The following SLC35A3 variants were observed in gnomAD, a reference collection of about 807,000 sequenced individuals.
The protein encoded by SLC35A3 is solute carrier family 35 member A3.
A neutral mutation model predicts 39.0 loss-of-function variants in SLC35A3; 26 were observed. That is an observed-to-expected ratio of 0.67 (90% CI 0.49 to 0.92). SLC35A3 has a LOEUF of 0.92. Ranked by LOEUF, SLC35A3 falls within the 40% of genes least tolerant of loss-of-function variation. SLC35A3 has a pLI of 0.00. For missense variants in SLC35A3, 299 were observed against 371.6 expected, an observed-to-expected ratio of 0.80 and a Z score of 1.61; for synonymous variants, 135 against 133.1, an observed-to-expected ratio of 1.01 and a Z score of -0.10.
At chr1:100,011,607 TTAAA>T in intron 5 of SLC35A3, 74 bp downstream of exon 5, 2 of 487,826 alleles carry the variant, frequency 4.1e-6, no homozygotes, top group Non-Finnish European at 6.5e-6. Flanking sequence ...CTATATATCT[TTAAA>T]TAAATGAGCC....
At position 100,007,042 on chromosome 1, in the gene SLC35A3, T is replaced by G. The variant is rs1366883088; in HGVS notation, c.351T>G (p.Tyr117Ter). The G allele has an allele frequency of 2.5e-6, 4 of 1,605,536 alleles. No homozygotes were observed. Residue 117 changes from tyrosine to a stop codon, truncating the protein, a stop_gained, in exon 4 of 8, where the codon TAT becomes TAG. Coordinates refer to ENST00000533028, the MANE Select transcript of SLC35A3 (RefSeq NM_012243.3). LOFTEE classifies it high-confidence loss of function. Reference sequence around the variant, plus strand: ...ACTGTTTTCTTTTTCAGGTCACGTATCAGTTAAAAATTCTTACAACAGCAT... The same window carrying G: ...ACTGTTTTCTTTTTCAGGTCACGTAGCAGTTAAAAATTCTTACAACAGCAT... ...NLDAATYQVT[Y>*]QLKILTTALF...
At chr1:99,995,682 A>G (rs1412599491) in intron 2 of SLC35A3, among the ~76,000 whole-genome samples, 1 of 152,176 alleles carries the variant, frequency 6.6e-6, no homozygotes, top group Non-Finnish European at 1.5e-5. Context: ...AGGCATTCCC[A>G]TTGAGATGTC....
At chr1:99,985,374 G>GT (rs1657689549) in intron 1 of SLC35A3, among the ~76,000 whole-genome samples, 1 of 152,142 alleles carries the variant, frequency 6.6e-6, no homozygotes, top group Non-Finnish European at 1.5e-5. Context: ...TCAGTTGGCT[G>GT]TAAGTATTTG....
At chr1:99,995,144 C>G (rs867568881) in intron 2 of SLC35A3, among the ~76,000 whole-genome samples, 1 of 129,320 alleles carries the variant, frequency 7.7e-6, no homozygotes, top group South Asian at 3.2e-4. Flanking sequence ...TTCTTTCTTT[C>G]TTTCTTTCTT....
At chr1:99,975,737 A>G (rs897624840) in intron 1 of SLC35A3, among the ~76,000 whole-genome samples, 1 of 152,148 alleles carries the variant, frequency 6.6e-6, no homozygotes, top group Non-Finnish European at 1.5e-5. Context: ...TTTGGACTCT[A>G]TCCTCTATTT....
intron 2 of SLC35A3, among the ~76,000 whole-genome samples, chr1:99,996,507 T>C (rs1352428890): frequency 6.6e-6 from 1 of 152,136 alleles, no homozygotes; most frequent in East Asian, 1.9e-4. Context: ...AGGACACAAT[T>C]TCACTGCCCT....
intron 1 of SLC35A3, among the ~76,000 whole-genome samples, chr1:99,984,733 A>G (rs1657652770): frequency 6.6e-6 from 1 of 152,196 alleles, no homozygotes; most frequent in Non-Finnish European, 1.5e-5. Flanking sequence ...CAACACATCC[A>G]TGCCAACATC....
chr1:99,972,005 C>T (rs540793767), intron 1 of SLC35A3, among the ~76,000 whole-genome samples: 1 of 152,214 alleles, frequency 6.6e-6, no homozygotes, highest in South Asian at 2.1e-4. Flanking sequence ...TCAAGCGATT[C>T]TCCTGCCTCA....
rs544108828 is a variant in SLC35A3, at chr1:100,003,519, A to G, written c.343-3515A>G. 2.6e-5 allele frequency among the ~76,000 whole-genome samples: 4 copies of G among 151,610 alleles called. No homozygotes were observed. The South Asian group carries it at 8.4e-4, about 32-fold the overall frequency. ...GACTTCAACTTTTAAAGATTTGTTGAGACTTATAGCCTAATATATATTCTA... is the reference window on the plus strand; with the variant it reads ...GACTTCAACTTTTAAAGATTTGTTGGGACTTATAGCCTAATATATATTCTA... On this transcript the variant is annotated intron_variant, in intron 3 of 7. Transcript: ENST00000533028.
rs1023995008 is a variant in SLC35A3, at chr1:100,015,293, T to C, written c.635-9T>C. The stretch of plus-strand genomic sequence containing the variant: ...AACGATATATCATGTAGACTTTACT[T>C]TTTTTTAGGTTTCTTTGGAAGTATA... On this transcript the variant is annotated splice_polypyrimidine_tract_variant and intron_variant, in intron 5 of 7. Transcript: ENST00000533028. 1 of 1,593,954 alleles carries C rather than the reference T, an allele frequency of 6.3e-7. No homozygotes were observed. The highest frequency in any genetic ancestry group is 1.4e-5 in the African/African-American group (1 of 73,720).
intron 1 of SLC35A3, chr1:99,970,382 G>A (rs774853123): frequency 5.0e-5 from 30 of 598,686 alleles, no homozygotes; most frequent in Non-Finnish European, 7.4e-5. Context: ...GACGGACGAC[G>A]TGCGGAATGT....
intron 1 of SLC35A3, chr1:99,993,129 T>C (rs1246852773): frequency 6.5e-6 from 1 of 153,560 alleles, no homozygotes; most frequent in East Asian, 1.9e-4. Context: ...TTGTTGTTGT[T>C]TTTGTTCTAT....
At chr1:99,986,634 C>A (rs926451621) in intron 1 of SLC35A3, among the ~76,000 whole-genome samples, 3 of 151,932 alleles carry the variant, frequency 2.0e-5, no homozygotes, top group Non-Finnish European at 2.9e-5. Context: ...GTTACTCAGG[C>A]TGGAGTGCAG....
At chr1:100,001,044 T>C (rs1220447140) in intron 3 of SLC35A3, among the ~76,000 whole-genome samples, 1 of 152,206 alleles carries the variant, frequency 6.6e-6, no homozygotes, top group African/African-American at 2.4e-5. Context: ...TTTGGGGTTC[T>C]CTATTTTGTT....
At chr1:99,997,400 ATATATAGTTT>A (rs1245084031) in intron 2 of SLC35A3, among the ~76,000 whole-genome samples, 1 of 111,424 alleles carries the variant, frequency 9.0e-6, no homozygotes, top group African/African-American at 3.5e-5. Context: ...TATATGTTTT[ATATATAGTTT>A]TATATATATA....
At chr1:99,995,013 G>A (rs1049591143) in intron 2 of SLC35A3, among the ~76,000 whole-genome samples, 8 of 151,920 alleles carry the variant, frequency 5.3e-5, no homozygotes, top group African/African-American at 1.9e-4. Context: ...TAATAGGTGT[G>A]AAGTAGTTTC....
At chr1:100,017,161 C>A (rs967136375) in intron 6 of SLC35A3, among the ~76,000 whole-genome samples, 54 of 152,082 alleles carry the variant, frequency 3.6e-4, no homozygotes, top group African/African-American at 1.3e-3. Context: ...TAGGTAAGTT[C>A]TTTCTACAGT....
intron 1 of SLC35A3, among the ~76,000 whole-genome samples, chr1:99,977,772 C>T (rs990551394): frequency 4.6e-5 from 7 of 152,156 alleles, no homozygotes; most frequent in African/African-American, 1.4e-4. Flanking sequence ...CTCCTGGGCT[C>T]AAGGGATCCT....
chr1:99,988,563 A>C (rs1455181625), intron 1 of SLC35A3, among the ~76,000 whole-genome samples: 1 of 152,124 alleles, frequency 6.6e-6, no homozygotes, highest in Non-Finnish European at 1.5e-5. Flanking sequence ...TTGCTAGGTC[A>C]TATGAAAAGA....
Sources: gnomAD v4.1 joint callset for allele counts (sites outside exome capture counted in the v4.1 genomes callset) on GRCh38, gnomAD v4.1.1 for gene constraint, MANE v1.5 for transcripts, NCBI Gene and HGNC (gene_info 2026-07-23, HGNC 2026-07-21) for gene names.